CNTN4: variants seen among roughly 807,000 people sequenced by gnomAD.
CNTN4 encodes the protein contactin-4.
CNTN4 carries 77 observed loss-of-function variants against 122.5 expected under a neutral mutation model. The ratio of observed to expected loss-of-function variants is 0.63; its 90% CI spans 0.52 to 0.76. CNTN4 has a LOEUF of 0.76. Among genes scored for constraint, CNTN4 ranks in the 30% least tolerant of loss-of-function variants. CNTN4 has a pLI of 0.00. For missense variants in CNTN4, 1,256 were observed against 1,259.1 expected (o/e 1.00, Z 0.04); for synonymous variants, 512 against 447.0 (o/e 1.15, Z -1.83).
intron 13 of CNTN4, among the ~76,000 whole-genome samples, chr3:2,957,988 A>G (rs866307580): frequency 6.6e-6 from 1 of 152,144 alleles, no homozygotes; most frequent in South Asian, 2.1e-4. Flanking sequence ...GGTAGTTCTA[A>G]GAGCCACTGT....
intron 4 of CNTN4, among the ~76,000 whole-genome samples, chr3:2,643,101 GC>G (rs1326192450): frequency 6.6e-6 from 1 of 152,150 alleles, no homozygotes; most frequent in East Asian, 1.9e-4. Flanking sequence ...TCTCTATGGA[GC>G]CCCTTTTATC....
At chr3:2,804,839 A>G (rs1296677023) in intron 6 of CNTN4, among the ~76,000 whole-genome samples, 3 of 151,892 alleles carry the variant, frequency 2.0e-5, no homozygotes, top group African/African-American at 7.3e-5. Flanking sequence ...CTGGAATTAT[A>G]GGCACACAAC....
At chr3:2,767,581 A>T (rs1378176700) in intron 6 of CNTN4, among the ~76,000 whole-genome samples, 2 of 152,074 alleles carry the variant, frequency 1.3e-5, no homozygotes, top group African/African-American at 4.8e-5. Flanking sequence ...TGCCCCATTG[A>T]CAGACAATAG....
In CNTN4 at chr3:2,465,936, G is replaced by A. The variant is rs372069068; in HGVS notation, c.-88-105480G>A. On this transcript the variant is annotated intron_variant, in intron 3 of 24. Transcript: ENST00000418658. ...GTGCAATTCATAATTGGAAGGTATA[G>A]GGAGGAGTGTTTAATTGACTTGATG... Among the ~76,000 whole-genome samples the A allele has an allele frequency of 2.6e-4, 40 of 152,272 alleles. 1 individual carries two copies. Among genetic ancestry groups the A allele is most frequent in the African/African-American group, 9.1e-4 (38 of 41,550 alleles).
chr3:2,120,004 C>T (rs60212317), intron 2 of CNTN4, among the ~76,000 whole-genome samples: 31,091 of 151,796 alleles, frequency 0.2, 3,707 homozygotes, highest in Admixed American at 0.32. Context: ...TTGAGACCCC[C>T]AAACTTGAGA....
chr3:2,462,634 T>C (rs1384973943), intron 3 of CNTN4, among the ~76,000 whole-genome samples: 1 of 152,358 alleles, frequency 6.6e-6, no homozygotes, highest in East Asian at 1.9e-4. Flanking sequence ...GGCAGCAAGT[T>C]TGGACAAAAA....
intron 3 of CNTN4, among the ~76,000 whole-genome samples, chr3:2,505,904 A>G (rs2149035322): frequency 6.6e-6 from 1 of 152,304 alleles, no homozygotes; most frequent in African/African-American, 2.4e-5. Flanking sequence ...GGGAGAAAAC[A>G]TTAAACCATT....
chr3:2,990,454 T>G (rs1694955889), intron 14 of CNTN4, among the ~76,000 whole-genome samples: 1 of 152,232 alleles, frequency 6.6e-6, no homozygotes, highest in Non-Finnish European at 1.5e-5. Context: ...TGTCTCATAT[T>G]GTTAAAAGTA....
chr3:2,842,339 G>T (rs1021072338), intron 7 of CNTN4, among the ~76,000 whole-genome samples: 1 of 152,052 alleles, frequency 6.6e-6, no homozygotes, highest in Non-Finnish European at 1.5e-5. Context: ...AATCTTCCAG[G>T]GCTCCAATCT....
chr3:2,466,970 C>CTTTCTTTTTTTTTTTTTTTT (rs1392656721), intron 3 of CNTN4, among the ~76,000 whole-genome samples: 1 of 115,810 alleles, frequency 8.6e-6, no homozygotes, highest in African/African-American at 3.4e-5. Flanking sequence ...TTCTTTCTTT[C>CTTTCTTTTTTTTTTTTTTTT]TTTTTTTTTT....
At chr3:2,866,070 G>A (rs1045601861) in intron 7 of CNTN4, among the ~76,000 whole-genome samples, 1 of 152,084 alleles carries the variant, frequency 6.6e-6, no homozygotes, top group African/African-American at 2.4e-5. Flanking sequence ...GTGTTAAACT[G>A]CTCTCTTACT....
At chr3:2,102,159 C>T (rs1413076482) in intron 2 of CNTN4, among the ~76,000 whole-genome samples, 1 of 152,158 alleles carries the variant, frequency 6.6e-6, no homozygotes, top group Non-Finnish European at 1.5e-5. Flanking sequence ...TACCAATGGT[C>T]AGGAAGTGAA....
intron 4 of CNTN4, among the ~76,000 whole-genome samples, chr3:2,649,897 G>A (rs1389133485): frequency 1.3e-5 from 2 of 151,652 alleles, no homozygotes; most frequent in African/African-American, 4.8e-5. Flanking sequence ...GAGAGGCTGA[G>A]GCAGGCGGAT....
At chr3:2,639,214 T>A (rs1380928057) in intron 4 of CNTN4, among the ~76,000 whole-genome samples, 1 of 152,154 alleles carries the variant, frequency 6.6e-6, no homozygotes, top group Non-Finnish European at 1.5e-5. Flanking sequence ...CTGCACTGCA[T>A]CCCTCCTCAA....
chr3:2,721,634 A>G (rs1235735707), intron 4 of CNTN4, among the ~76,000 whole-genome samples: 1 of 152,186 alleles, frequency 6.6e-6, no homozygotes, highest in Admixed American at 6.5e-5. Context: ...TTGCAAACAC[A>G]CTAAGCACCC....
At chr3:2,114,429 C>T (rs770057099) in intron 2 of CNTN4, among the ~76,000 whole-genome samples, 17 of 152,044 alleles carry the variant, frequency 1.1e-4, no homozygotes, top group Non-Finnish European at 1.6e-4. Flanking sequence ...CACTGCACTC[C>T]AGTCTGGATG....
intron 6 of CNTN4, among the ~76,000 whole-genome samples, chr3:2,798,766 C>G (rs1042590329): frequency 6.6e-6 from 1 of 152,158 alleles, no homozygotes; most frequent in Non-Finnish European, 1.5e-5. Flanking sequence ...CCACCTCAAC[C>G]TCACAAACTG....
intron 12 of CNTN4, among the ~76,000 whole-genome samples, chr3:2,924,763 C>T (rs2094457650): frequency 6.6e-6 from 1 of 152,132 alleles, no homozygotes; most frequent in Non-Finnish European, 1.5e-5. Context: ...ATGAGCCAAG[C>T]ATTGCATTGG....
chr3:2,858,931 TC>T (rs1377792795), intron 7 of CNTN4, among the ~76,000 whole-genome samples: 3 of 152,210 alleles, frequency 2.0e-5, no homozygotes, highest in African/African-American at 7.2e-5. Flanking sequence ...GAAAATTTAC[TC>T]TCAGCAATTT....
Sources: gnomAD v4.1 joint callset for allele counts (sites outside exome capture counted in the v4.1 genomes callset) on GRCh38, gnomAD v4.1.1 for gene constraint, MANE v1.5 for transcripts, NCBI Gene and HGNC (gene_info 2026-07-23, HGNC 2026-07-21) for gene names.